STX8: variants seen among roughly 807,000 people sequenced by gnomAD.
STX8 encodes syntaxin-8.
STX8 carries 23 observed loss-of-function variants against 37.5 expected under a neutral mutation model. The observed-to-expected ratio is 0.61, with a 90% CI of 0.44 to 0.87. STX8 has a LOEUF of 0.87. STX8 is among the 40% of genes least tolerant of loss of function. STX8 has a pLI of 0.00. For missense variants in STX8, 313 were observed against 284.7 expected (o/e 1.10, Z -0.71); for synonymous variants, 115 against 99.1 (o/e 1.16, Z -0.95).
At chr17:9,288,151 AAAAC>A (rs1442527636) in intron 7 of STX8, among the ~76,000 whole-genome samples, 16 of 142,430 alleles carry the variant, frequency 1.1e-4, no homozygotes, top group African/African-American at 3.5e-4. Flanking sequence ...AAAAAAAAAA[AAAAC>A]CAAAAACAAA....
intron 4 of STX8, among the ~76,000 whole-genome samples, chr17:9,536,285 C>A (rs1023351837): frequency 2.0e-5 from 3 of 152,122 alleles, no homozygotes; most frequent in Non-Finnish European, 2.9e-5. Flanking sequence ...AGAGGAGTCA[C>A]TCGGAAGGGA....
intron 6 of STX8, among the ~76,000 whole-genome samples, chr17:9,471,642 A>G (rs546954767): frequency 6.6e-6 from 1 of 152,194 alleles, no homozygotes; most frequent in South Asian, 2.1e-4. Context: ...TACATGCCAG[A>G]CAGGGTGCCT....
At chr17:9,271,657 G>A (rs1282507675) in intron 7 of STX8, among the ~76,000 whole-genome samples, 1 of 151,462 alleles carries the variant, frequency 6.6e-6, no homozygotes, top group African/African-American at 2.4e-5. Flanking sequence ...GGCTGAGGCA[G>A]GAGAATCACT....
chr17:9,314,947 C>G (rs979877408), intron 7 of STX8, among the ~76,000 whole-genome samples: 1 of 151,106 alleles, frequency 6.6e-6, no homozygotes, highest in Non-Finnish European at 1.5e-5. Context: ...ACTAAAAATA[C>G]GAACATTAGC....
At chr17:9,444,410 C>T (rs1413388030) in intron 6 of STX8, among the ~76,000 whole-genome samples, 1 of 152,192 alleles carries the variant, frequency 6.6e-6, no homozygotes, top group Admixed American at 6.6e-5. Flanking sequence ...ACAATCAGTA[C>T]GACAAATCAT....
intron 7 of STX8, among the ~76,000 whole-genome samples, chr17:9,258,537 G>A (rs1301919797): frequency 6.6e-6 from 1 of 152,238 alleles, no homozygotes; most frequent in Non-Finnish European, 1.5e-5. Context: ...AGCTGCGCCA[G>A]GGGAAACCAG....
intron 6 of STX8, among the ~76,000 whole-genome samples, chr17:9,430,778 T>C (rs1913933617): frequency 6.6e-6 from 1 of 151,780 alleles, no homozygotes. Context: ...ACCTCCCAAG[T>C]AGCTGGGACT....
chr17:9,332,414 C>A (rs184561900), intron 7 of STX8, among the ~76,000 whole-genome samples: 13 of 152,294 alleles, frequency 8.5e-5, no homozygotes, highest in Admixed American at 3.9e-4. Context: ...CAACATCATC[C>A]ACCAAGTAAG....
chr17:9,452,199 G>A (rs1905064374), intron 6 of STX8: 1 of 151,134 alleles, frequency 6.6e-6, no homozygotes, highest in East Asian at 1.9e-4. Context: ...CCAAGTACCT[G>A]ACAGCTTCTT....
At chr17:9,284,502 T>C (rs1444705679) in intron 7 of STX8, among the ~76,000 whole-genome samples, 1 of 152,206 alleles carries the variant, frequency 6.6e-6, no homozygotes, top group Non-Finnish European at 1.5e-5. Flanking sequence ...AGATAAACAA[T>C]ACATGTTTTT....
intron 7 of STX8, among the ~76,000 whole-genome samples, chr17:9,268,959 G>C (rs375737425): frequency 6.6e-6 from 1 of 152,056 alleles, no homozygotes; most frequent in African/African-American, 2.4e-5. Flanking sequence ...AGGCTGAGGC[G>C]GGCGGATCAT....
rs1907333728 is a variant in STX8 at position 9,268,916 on chromosome 17, A to ACG, written c.644-18272_644-18271insCG. Among the ~76,000 whole-genome samples, 4 of 152,142 alleles carry ACG rather than the reference A, an allele frequency of 2.6e-5. 1 individual carries two copies. In the South Asian group the frequency reaches 6.2e-4, roughly 24 times the overall value. On this transcript the variant is annotated intron_variant, in intron 7 of 7. Transcript: ENST00000306357. ...AAGTATTTGAGGCCAGGCCGGGTGC[A>ACG]GTGGCTCACGCCTGTAATCCCAGCA...
At chr17:9,407,419 A>G (rs1394936922) in intron 6 of STX8, among the ~76,000 whole-genome samples, 1 of 152,172 alleles carries the variant, frequency 6.6e-6, no homozygotes, top group Non-Finnish European at 1.5e-5. Flanking sequence ...AACAACAACA[A>G]AAACCACAAC....
chr17:9,448,567 G>A (rs1356475826), intron 6 of STX8, among the ~76,000 whole-genome samples: 1 of 120,196 alleles, frequency 8.3e-6, no homozygotes, highest in African/African-American at 3.0e-5. Flanking sequence ...ACATGTATTC[G>A]GTAAGTTTCA....
At chr17:9,490,614 C>G (rs1906813894) in intron 6 of STX8, among the ~76,000 whole-genome samples, 1 of 152,212 alleles carries the variant, frequency 6.6e-6, no homozygotes, top group South Asian at 2.1e-4. Flanking sequence ...ATCCGCCTGC[C>G]TCAGCCTCCC....
intron 7 of STX8, among the ~76,000 whole-genome samples, chr17:9,328,130 T>C (rs1223417041): frequency 2.0e-5 from 3 of 151,714 alleles, no homozygotes; most frequent in South Asian, 2.1e-4. Context: ...CAGGCTGGTC[T>C]TGAACTCTTG....
At chr17:9,363,545 T>G (rs1234857283) in intron 7 of STX8, among the ~76,000 whole-genome samples, 1 of 152,168 alleles carries the variant, frequency 6.6e-6, no homozygotes, top group Non-Finnish European at 1.5e-5. Flanking sequence ...AACCCAGCCC[T>G]CATTTGCTGG....
At chr17:9,559,758 A>ATTTTTTTTTTTTTTT (rs1159388418) in intron 2 of STX8, among the ~76,000 whole-genome samples, 1 of 28,368 alleles carries the variant, frequency 3.5e-5, no homozygotes, top group African/African-American at 1.4e-4. Context: ...ATATATATAT[A>ATTTTTTTTTTTTTTT]TATTTTTTTT....
intron 7 of STX8, among the ~76,000 whole-genome samples, chr17:9,271,947 C>T (rs1907482613): frequency 6.6e-6 from 1 of 152,164 alleles, no homozygotes; most frequent in East Asian, 1.9e-4. Flanking sequence ...TGGGCCAGGG[C>T]TCCCTAGCTG....
Sources: allele counts gnomAD v4.1 joint callset (sites outside exome capture counted in the v4.1 genomes callset), GRCh38; gene constraint gnomAD v4.1.1; transcripts MANE v1.5; gene names NCBI Gene and HGNC (gene_info 2026-07-23, HGNC 2026-07-21).